The following TAFA5 variants were observed in gnomAD, a reference collection of about 807,000 sequenced individuals.
TAFA5 encodes the protein TAFA chemokine like family member 5.
TAFA5 carries 6 observed loss-of-function variants against 15.3 expected under a neutral mutation model. That is an observed-to-expected ratio of 0.39 (90% CI 0.21 to 0.77). The LOEUF is 0.77. Ranked by LOEUF, TAFA5 falls within the 30% of genes least tolerant of loss-of-function variation. TAFA5 has a pLI of 0.41. For missense variants in TAFA5, 161 were observed against 193.1 expected (o/e 0.83, Z 0.98); for synonymous variants, 103 against 80.7 (o/e 1.28, Z -1.48).
In TAFA5 at chr22:48,670,478, G is replaced by A. The variant is rs555882025; in HGVS notation, c.262+23732G>A. ...CTTTTAGAGGCTAAGCCCATGGCGG[G>A]CTGTCAGCTCAGACTCAGGAGAGCT... On this transcript the variant is annotated intron_variant, in intron 2 of 3. Coordinates refer to ENST00000402357, the MANE Select transcript of TAFA5 (RefSeq NM_001082967.3). 5.2e-4 allele frequency among the ~76,000 whole-genome samples: 79 copies of A among 152,366 alleles called. 1 individual carries two copies. The highest frequency in any genetic ancestry group is 8.5e-4 in the Non-Finnish European group (58 of 68,036).
At chr22:48,736,796 G>A (rs1259335758) in intron 3 of TAFA5, among the ~76,000 whole-genome samples, 2 of 152,218 alleles carry the variant, frequency 1.3e-5, no homozygotes, top group African/African-American at 4.8e-5. Flanking sequence ...AGGTCACAGA[G>A]GCCGAATGAA....
chr22:48,654,327 G>A (rs553592022), intron 2 of TAFA5, among the ~76,000 whole-genome samples: 3 of 152,254 alleles, frequency 2.0e-5, no homozygotes, highest in Non-Finnish European at 2.9e-5. Flanking sequence ...TGGCCCCCTC[G>A]AACTCTTGAA....
intron 1 of TAFA5, among the ~76,000 whole-genome samples, chr22:48,637,817 G>A (rs1034786982): frequency 1.2e-4 from 19 of 152,052 alleles, no homozygotes; most frequent in African/African-American, 3.4e-4. Flanking sequence ...GAGCACAGCC[G>A]AGCCATTTCC....
Position 48,682,334 on chromosome 22 carries a change from C to T in TAFA5, c.263-25383C>T, listed in dbSNP as rs185524655. ...AGATGGCACCTGGGTGAGACCCCCA[C>T]ACCCAAGGGGCTGCAGATGAAGGGG... On this transcript the variant is annotated intron_variant, in intron 2 of 3. Coordinates refer to ENST00000402357, the MANE Select transcript of TAFA5 (RefSeq NM_001082967.3). 2.7e-3 allele frequency among the ~76,000 whole-genome samples: 412 copies of T among 152,332 alleles called. 4 individuals are homozygous for T. Among genetic ancestry groups the T allele is most frequent in the African/African-American group, 8.8e-3 (366 of 41,568 alleles).
intron 1 of TAFA5, among the ~76,000 whole-genome samples, chr22:48,567,206 T>A (rs1363927173): frequency 1.1e-4 from 16 of 152,212 alleles, no homozygotes; most frequent in Admixed American, 1.0e-3. Flanking sequence ...TGTGTTTGCT[T>A]CCCTGAGGGG....
At chr22:48,576,024 C>CCG (rs1367121161) in intron 1 of TAFA5, among the ~76,000 whole-genome samples, 1 of 120,608 alleles carries the variant, frequency 8.3e-6, no homozygotes, top group Non-Finnish European at 1.7e-5. Flanking sequence ...GAGGAGGGGG[C>CCG]CGGGGCCGCG....
chr22:48,584,510 CA>C (rs1983232513), intron 1 of TAFA5, among the ~76,000 whole-genome samples: 1 of 150,730 alleles, frequency 6.6e-6, no homozygotes, highest in Admixed American at 6.6e-5. Flanking sequence ...ACACCACACA[CA>C]CACACACATA....
intron 1 of TAFA5, among the ~76,000 whole-genome samples, chr22:48,640,117 G>A (rs1358012282): frequency 1.3e-5 from 2 of 152,204 alleles, no homozygotes; most frequent in East Asian, 1.9e-4. Flanking sequence ...TGGGGCCGGC[G>A]CCAGGCTCTT....
In TAFA5 at chr22:48,718,303, T is replaced by A. The variant is rs187852513; in HGVS notation, c.390+10459T>A. On this transcript the variant is annotated intron_variant, in intron 3 of 3. Transcript: ENST00000402357. ...ATTAGTCAGCAAAGGCCGGGGCTGC[T>A]GGAGGAAGAAGGGGGATGCTGTAGC... is the stretch of plus-strand genomic sequence containing the variant. 2.7e-3 allele frequency among the ~76,000 whole-genome samples: 413 copies of A among 152,096 alleles called. 7 individuals are homozygous for A. The highest frequency in any genetic ancestry group is 8.7e-4 in the Non-Finnish European group (59 of 67,986).
chr22:48,539,335 AC>A (rs1167399664), intron 1 of TAFA5: 2 of 469,142 alleles, frequency 4.3e-6, no homozygotes, highest in East Asian at 1.4e-4. Context: ...CAAAGCCGAT[AC>A]CCTAATAGGA....
intron 1 of TAFA5, among the ~76,000 whole-genome samples, chr22:48,533,338 A>C (rs1922037264): frequency 6.6e-6 from 1 of 152,210 alleles, no homozygotes; most frequent in Non-Finnish European, 1.5e-5. Context: ...TGTGGTGTCC[A>C]AGCCCTGTGT....
At chr22:48,686,157 GGGCAGCA>G (rs1264416023) in intron 2 of TAFA5, among the ~76,000 whole-genome samples, 1 of 152,200 alleles carries the variant, frequency 6.6e-6, no homozygotes, top group African/African-American at 2.4e-5. Context: ...CTTGAACTGT[GGGCAGCA>G]GGCAGTATGG....
intron 3 of TAFA5, among the ~76,000 whole-genome samples, chr22:48,743,211 C>CA (rs2147275366): frequency 6.6e-6 from 1 of 152,272 alleles, no homozygotes; most frequent in South Asian, 2.1e-4. Context: ...CTCCTCCTGC[C>CA]ATTCTTCCGG....
chr22:48,671,289 C>T (rs1927796660), intron 2 of TAFA5, among the ~76,000 whole-genome samples: 2 of 152,238 alleles, frequency 1.3e-5, no homozygotes, highest in African/African-American at 4.8e-5. Flanking sequence ...GCAGGGAGCA[C>T]CGAACGGAGC....
intron 1 of TAFA5, among the ~76,000 whole-genome samples, chr22:48,553,442 T>G (rs2147127736): frequency 6.6e-6 from 1 of 152,272 alleles, no homozygotes; most frequent in Non-Finnish European, 1.5e-5. Flanking sequence ...GGAAGCAGGA[T>G]GCAGGCTTCC....
chr22:48,720,179 G>T (rs985158746), intron 3 of TAFA5, among the ~76,000 whole-genome samples: 1 of 152,126 alleles, frequency 6.6e-6, no homozygotes, highest in African/African-American at 2.4e-5. Context: ...ATTTCCTGGT[G>T]CCCCCTACTG....
intron 1 of TAFA5, among the ~76,000 whole-genome samples, chr22:48,541,095 G>A (rs1369343383): frequency 3.3e-5 from 5 of 152,238 alleles, no homozygotes; most frequent in South Asian, 2.1e-4. Flanking sequence ...CAGGAAGTCC[G>A]CCACTGAACG....
At chr22:48,609,227 G>C (rs1031507733) in intron 1 of TAFA5, among the ~76,000 whole-genome samples, 1 of 152,228 alleles carries the variant, frequency 6.6e-6, no homozygotes, top group African/African-American at 2.4e-5. Context: ...GTTCCTGGGT[G>C]AGGCCTGAAG....
At chr22:48,548,634 C>T (rs1049267429) in intron 1 of TAFA5, among the ~76,000 whole-genome samples, 1 of 152,174 alleles carries the variant, frequency 6.6e-6, no homozygotes, top group African/African-American at 2.4e-5. Context: ...GGGTTGGGTT[C>T]AGGGCTGCAT....
Sources: allele counts gnomAD v4.1 joint callset (sites outside exome capture counted in the v4.1 genomes callset), GRCh38; gene constraint gnomAD v4.1.1; transcripts MANE v1.5; gene names NCBI Gene and HGNC (gene_info 2026-07-23, HGNC 2026-07-21).